CAMTA1: variants seen among roughly 807,000 people sequenced by gnomAD.
CAMTA1 encodes calmodulin binding transcription activator 1.
CAMTA1 carries 27 observed loss-of-function variants against 170.9 expected under a neutral mutation model. The ratio of observed to expected loss-of-function variants is 0.16; its 90% confidence interval spans 0.12 to 0.22. The LOEUF (loss-of-function observed/expected upper bound fraction) is 0.22, where lower values mean the gene tolerates loss of function less well. Among genes scored for constraint, CAMTA1 ranks in the 10% least tolerant of loss-of-function variants. The probability of loss-of-function intolerance (pLI) is 1.00; values close to 1 mark genes in which losing one functional copy is unlikely to be tolerated. For missense variants in CAMTA1, 1,619 were observed against 2,217.2 expected (o/e 0.73, Z 5.42); for synonymous variants, 833 against 891.5 (o/e 0.93, Z 1.17).
intron 11 of CAMTA1, among the ~76,000 whole-genome samples, chr1:7,723,633 A>G (rs188517344): frequency 6.6e-6 from 1 of 152,292 alleles, no homozygotes; most frequent in Admixed American, 6.5e-5. Context: ...TGCCTTAACC[A>G]AATGATGGAG....
intron 1 of CAMTA1, among the ~76,000 whole-genome samples, chr1:6,806,358 C>T (rs967715217): frequency 2.0e-5 from 3 of 152,020 alleles, no homozygotes; most frequent in East Asian, 3.8e-4. Context: ...CTTGTATTTC[C>T]GTATGAATAT....
intron 4 of CAMTA1, among the ~76,000 whole-genome samples, chr1:7,192,674 C>G (rs1303668137): frequency 6.6e-6 from 1 of 152,190 alleles, no homozygotes; most frequent in East Asian, 1.9e-4. Context: ...CCAGTGTGTG[C>G]TGGGCATCAC....
chr1:6,821,417 C>T (rs2148464414), intron 2 of CAMTA1, among the ~76,000 whole-genome samples: 1 of 152,258 alleles, frequency 6.6e-6, no homozygotes, highest in Middle Eastern at 3.4e-3. Context: ...TTTTCAGTTC[C>T]TATCCTACTA....
chr1:7,436,341 A>G (rs1377916500), intron 5 of CAMTA1, among the ~76,000 whole-genome samples: 1 of 152,190 alleles, frequency 6.6e-6, no homozygotes, highest in East Asian at 1.9e-4. Context: ...AGGATTGTTC[A>G]GGGAGGGGGC....
intron 5 of CAMTA1, among the ~76,000 whole-genome samples, chr1:7,390,151 C>T (rs540116577): frequency 6.6e-6 from 1 of 152,326 alleles, no homozygotes; most frequent in East Asian, 1.9e-4. Flanking sequence ...CACTTCCCCA[C>T]CCTCTGAGGA....
At chr1:6,811,843 C>T (rs1045492903) in intron 1 of CAMTA1, among the ~76,000 whole-genome samples, 42 of 152,184 alleles carry the variant, frequency 2.8e-4, no homozygotes, top group Non-Finnish European at 5.4e-4. Context: ...ATTTTCTTGG[C>T]GTCCACCTCA....
At position 7,093,027 on chromosome 1, in the gene CAMTA1, A is replaced by C. The variant is rs1159780925; in HGVS notation, c.302+1656A>C. On this transcript the variant is annotated intron_variant, in intron 4 of 22. Transcript: ENST00000303635. The surrounding 1 kb of genome is among the most constrained non-coding windows in gnomAD (Gnocchi z 4.6). The stretch of plus-strand genomic sequence containing the variant: ...GGACATCCCTCCACAGAGTGGGGGC[A>C]GGGGTGGGCGGTGGAGAGGATGGGA... Among the ~76,000 whole-genome samples the C allele has an allele frequency of 6.6e-6, 1 of 152,166 alleles. No individual in the cohort carries two copies. The highest frequency in any genetic ancestry group is 1.5e-5 in the Non-Finnish European group (1 of 68,016).
intron 4 of CAMTA1, among the ~76,000 whole-genome samples, chr1:7,155,754 C>T (rs1306823001): frequency 5.3e-5 from 8 of 152,094 alleles, no homozygotes; most frequent in African/African-American, 1.7e-4. Context: ...TGAGCAAGGC[C>T]GCCCCTCTGT....
At chr1:7,661,656 C>T (rs2095958725) in intron 7 of CAMTA1, 70 bp from the exon 8 acceptor site, 1 of 1,568,704 alleles carries the variant, frequency 6.4e-7, no homozygotes, top group Admixed American at 1.7e-5. Flanking sequence ...CTGGGTCCTA[C>T]CCCTTGGCCC....
At chr1:7,120,088 C>A (rs1016681290) in intron 4 of CAMTA1, among the ~76,000 whole-genome samples, 2 of 152,126 alleles carry the variant, frequency 1.3e-5, no homozygotes, top group African/African-American at 4.8e-5. Context: ...ACACAGATGG[C>A]AAATGGAGGA....
Position 7,664,545 on chromosome 1 carries a change from C to T in CAMTA1, c.1998C>T (p.Ile666=), listed in dbSNP as rs141192116. Residue 666 remains isoleucine (I), a synonymous_variant, in exon 9 of 23, where the codon ATC becomes ATT. Coordinates refer to ENST00000303635, the MANE Select transcript of CAMTA1 (RefSeq NM_015215.4). ...SSCSGHVETR[I]ESTSSLHLMQ... is the part of the protein sequence containing the mutation. ...GCAGCGGTCACGTGGAGACGCGGATCGAGTCCACTTCCTCCCTCCACCTCA... is the reference window on the plus strand; with the variant it reads ...GCAGCGGTCACGTGGAGACGCGGATTGAGTCCACTTCCTCCCTCCACCTCA... 6.9e-5 allele frequency: 111 copies of T among 1,613,104 alleles called. No homozygotes were observed. The highest frequency in any genetic ancestry group is 2.3e-4 in the South Asian group (21 of 91,088).
intron 5 of CAMTA1, among the ~76,000 whole-genome samples, chr1:7,376,214 A>G (rs1187988654): frequency 6.6e-6 from 1 of 152,210 alleles, no homozygotes; most frequent in Non-Finnish European, 1.5e-5. Flanking sequence ...TTATTTGGTT[A>G]TGAATGTATT....
intron 16 of CAMTA1, among the ~76,000 whole-genome samples, chr1:7,739,173 T>G (rs1056605724): frequency 6.6e-6 from 1 of 151,732 alleles, no homozygotes; most frequent in Non-Finnish European, 1.5e-5. Flanking sequence ...ATTCCTCTCT[T>G]TCCAACTTCC....
chr1:7,520,642 C>T (rs566299400), intron 6 of CAMTA1, among the ~76,000 whole-genome samples: 1 of 152,160 alleles, frequency 6.6e-6, no homozygotes, highest in Admixed American at 6.5e-5. Flanking sequence ...CCCTTCTGGG[C>T]ACCCAGCTGG....
intron 6 of CAMTA1, among the ~76,000 whole-genome samples, chr1:7,626,309 TG>T (rs1250232190): frequency 6.6e-6 from 1 of 152,198 alleles, no homozygotes; most frequent in Admixed American, 6.5e-5. Flanking sequence ...GGGAGAGCTT[TG>T]GGGTTTAGGT....
intron 5 of CAMTA1, among the ~76,000 whole-genome samples, chr1:7,384,153 G>T (rs2087670547): frequency 6.6e-6 from 1 of 152,220 alleles, no homozygotes; most frequent in Non-Finnish European, 1.5e-5. Flanking sequence ...AGGCTTCTGT[G>T]CCAGGGATGT....
intron 5 of CAMTA1, among the ~76,000 whole-genome samples, chr1:7,307,485 A>T (rs1204306879): frequency 6.6e-6 from 1 of 151,982 alleles, no homozygotes; most frequent in Non-Finnish European, 1.5e-5. Context: ...TACAAAGCTT[A>T]TGTGAGAATG....
intron 3 of CAMTA1, among the ~76,000 whole-genome samples, chr1:6,910,199 G>C (rs12711514): frequency 1.3e-5 from 2 of 152,170 alleles, no homozygotes; most frequent in East Asian, 3.9e-4. Context: ...AATGCAAGGG[G>C]CACCTTGTTT....
At chr1:7,719,828 C>T (rs1003746381) in intron 11 of CAMTA1, among the ~76,000 whole-genome samples, 1 of 152,222 alleles carries the variant, frequency 6.6e-6, no homozygotes, top group East Asian at 1.9e-4. Context: ...TCCTAAGCAG[C>T]GCTCACAGTG....
Sources: gnomAD v4.1 joint callset for allele counts (sites outside exome capture counted in the v4.1 genomes callset) on GRCh38, gnomAD v4.1.1 for gene constraint, Gnocchi (gnomAD v3.1) non-coding constraint, MANE v1.5 for transcripts, NCBI Gene and HGNC (gene_info 2026-07-23, HGNC 2026-07-21) for gene names.